LRMDA: variants seen among roughly 807,000 people sequenced by gnomAD.
LRMDA encodes the protein leucine-rich melanocyte differentiation-associated protein.
Under a neutral mutation model 29.8 loss-of-function variants are expected in LRMDA, and 18 were observed. The observed-to-expected ratio is 0.60, with a 90% CI of 0.42 to 0.90. LRMDA has a LOEUF of 0.90. LRMDA is among the 40% of genes least tolerant of loss of function. LRMDA has a pLI of 0.00. For synonymous variants in LRMDA, 125 were observed against 109.4 expected (o/e 1.14, Z -0.89); for missense variants, 273 against 273.9 (o/e 1.00, Z 0.02).
intron 2 of LRMDA, among the ~76,000 whole-genome samples, chr10:75,683,290 A>T (rs770997462): frequency 1.3e-5 from 2 of 152,186 alleles, no homozygotes; most frequent in African/African-American, 2.4e-5. Flanking sequence ...ACAGAGCACA[A>T]AGGGAAACAT....
chr10:76,035,280 C>T (rs1401820940), intron 2 of LRMDA, among the ~76,000 whole-genome samples: 1 of 151,990 alleles, frequency 6.6e-6, no homozygotes, highest in South Asian at 2.1e-4. Flanking sequence ...TCCCAACCCC[C>T]GTCTCCCCAC....
At chr10:76,065,838 G>A (rs551138940) in intron 5 of LRMDA, among the ~76,000 whole-genome samples, 3 of 152,222 alleles carry the variant, frequency 2.0e-5, no homozygotes, top group Non-Finnish European at 4.4e-5. Context: ...GGATGCGAGT[G>A]GAAGTGACAG....
chr10:76,153,670 A>C (rs947850146), intron 5 of LRMDA, among the ~76,000 whole-genome samples: 1 of 152,230 alleles, frequency 6.6e-6, no homozygotes, highest in Non-Finnish European at 1.5e-5. Context: ...TATTCTATAT[A>C]ATTATGATAA....
chr10:75,845,155 T>A (rs1176902702), intron 2 of LRMDA, among the ~76,000 whole-genome samples: 1 of 152,218 alleles, frequency 6.6e-6, no homozygotes, highest in Non-Finnish European at 1.5e-5. Context: ...AAGCTGCTTT[T>A]TATACATTAC....
At chr10:75,812,967 G>C (rs1355865225) in intron 2 of LRMDA, among the ~76,000 whole-genome samples, 1 of 152,214 alleles carries the variant, frequency 6.6e-6, no homozygotes, top group African/African-American at 2.4e-5. Flanking sequence ...GACAAGAAAT[G>C]TTTGGGGTGA....
At chr10:75,794,434 T>C (rs1843619052) in intron 2 of LRMDA, among the ~76,000 whole-genome samples, 1 of 97,386 alleles carries the variant, frequency 1.0e-5, no homozygotes, top group Non-Finnish European at 2.3e-5. Flanking sequence ...TTTTTATTTC[T>C]CTTGGATAAA....
chr10:76,382,521 A>G (rs1175053363), intron 6 of LRMDA, among the ~76,000 whole-genome samples: 1 of 152,216 alleles, frequency 6.6e-6, no homozygotes, highest in East Asian at 1.9e-4. Flanking sequence ...AAGCATTGTG[A>G]ATGAAGGGAG....
intron 2 of LRMDA, among the ~76,000 whole-genome samples, chr10:75,998,339 G>T (rs12260955): frequency 6.6e-6 from 1 of 151,884 alleles, no homozygotes; most frequent in Non-Finnish European, 1.5e-5. Context: ...GTTTTTGTAC[G>T]CAGTGGGCAC....
At chr10:76,158,249 C>A (rs1850578367) in intron 5 of LRMDA, among the ~76,000 whole-genome samples, 1 of 152,120 alleles carries the variant, frequency 6.6e-6, no homozygotes, top group Non-Finnish European at 1.5e-5. Context: ...CATTTATTCT[C>A]TTTTCCTTTT....
intron 2 of LRMDA, among the ~76,000 whole-genome samples, chr10:75,987,080 A>G (rs1564623754): frequency 6.6e-6 from 1 of 151,472 alleles, no homozygotes; most frequent in African/African-American, 2.4e-5. Context: ...TTTTTTTTTT[A>G]AGAGAGCAGC....
intron 6 of LRMDA, among the ~76,000 whole-genome samples, chr10:76,328,276 C>T (rs1238749196): frequency 2.0e-5 from 3 of 152,168 alleles, no homozygotes; most frequent in African/African-American, 4.8e-5. Context: ...CATGCCCCAG[C>T]GTGCCAGGTA....
chr10:75,515,007 A>C (rs1188259417), intron 2 of LRMDA, among the ~76,000 whole-genome samples: 1 of 152,222 alleles, frequency 6.6e-6, no homozygotes, highest in Non-Finnish European at 1.5e-5. Context: ...ATGAATAAAA[A>C]AAAATGTGGC....
chr10:76,100,765 G>C (rs1033384240), intron 5 of LRMDA, among the ~76,000 whole-genome samples: 1 of 152,142 alleles, frequency 6.6e-6, no homozygotes, highest in African/African-American at 2.4e-5. Context: ...AAGTAATTTT[G>C]AAGAGCTCTC....
chr10:75,972,289 TA>T (rs1385305378), intron 2 of LRMDA, among the ~76,000 whole-genome samples: 1 of 151,850 alleles, frequency 6.6e-6, no homozygotes, highest in Non-Finnish European at 1.5e-5. Flanking sequence ...TTTTTTTTTT[TA>T]ATGAATATTT....
At chr10:75,888,813 A>C (rs1007415160) in intron 2 of LRMDA, among the ~76,000 whole-genome samples, 1 of 152,196 alleles carries the variant, frequency 6.6e-6, no homozygotes, top group African/African-American at 2.4e-5. Flanking sequence ...TGGGATGGCT[A>C]ATATGGTCTT....
At chr10:76,503,222 A>G (rs1842928452) in intron 6 of LRMDA, among the ~76,000 whole-genome samples, 1 of 151,684 alleles carries the variant, frequency 6.6e-6, no homozygotes, top group Non-Finnish European at 1.5e-5. Context: ...TATTGAACCA[A>G]CCTCACATCA....
intron 2 of LRMDA, among the ~76,000 whole-genome samples, chr10:75,970,883 T>C: frequency 6.6e-6 from 1 of 152,222 alleles, no homozygotes; most frequent in Non-Finnish European, 1.5e-5. Flanking sequence ...ATTTGTTCAG[T>C]GTTTAAAAAT....
At chr10:76,256,019 T>C (rs1440621075) in intron 5 of LRMDA, among the ~76,000 whole-genome samples, 1 of 152,204 alleles carries the variant, frequency 6.6e-6, no homozygotes, top group Non-Finnish European at 1.5e-5. Flanking sequence ...CATTGTGTAA[T>C]ATCTTTAGCT....
At position 76,531,103 on chromosome 10, in the gene LRMDA, C is replaced by T. The variant is rs921127706; in HGVS notation, c.602-26106C>T. 5.9e-5 allele frequency among the ~76,000 whole-genome samples: 9 copies of T among 152,250 alleles called. No homozygotes were observed. The East Asian group carries it at 1.2e-3, about 20-fold the overall frequency. On this transcript the variant is annotated intron_variant, in intron 6 of 6. Coordinates refer to ENST00000611255, the MANE Select transcript of LRMDA (RefSeq NM_001305581.2). ...AGAAAGAAAATCCCCACCCCTACCC[C>T]GCCACTGTCACAGTAATAAAGCACT...
Sources: gnomAD v4.1 joint callset for allele counts (sites outside exome capture counted in the v4.1 genomes callset) on GRCh38, gnomAD v4.1.1 for gene constraint, MANE v1.5 for transcripts, NCBI Gene and HGNC (gene_info 2026-07-23, HGNC 2026-07-21) for gene names.